Variants in MTNAP1 observed in about 807,000 individuals in gnomAD.
The protein encoded by MTNAP1 is mitochondrial nucleoid associated protein 1, also known as mitochondrial nucleoid-associated protein 1.
the MTNAP1 span, among the ~76,000 whole-genome samples, chr17:73,243,588 G>C: frequency 6.6e-6 from 1 of 150,486 alleles, no homozygotes; most frequent in Admixed American, 6.6e-5. Flanking sequence ...GAGTGCAGTG[G>C]CATGATCTCA....
At chr17:73,246,947 C>G in the MTNAP1 span, among the ~76,000 whole-genome samples, 1 of 152,164 alleles carries the variant, frequency 6.6e-6, no homozygotes, top group African/African-American at 2.4e-5. Context: ...TGTCCTTACT[C>G]AAGACCAGAA....
the MTNAP1 span, chr17:73,235,473 C>T: frequency 6.3e-7 from 1 of 1,586,578 alleles, no homozygotes; most frequent in Admixed American, 1.8e-5. Flanking sequence ...TTACCTTTTT[C>T]AGGAATAGGA....
chr17:73,247,450 G>A, the MTNAP1 span: 1 of 1,098,148 alleles, frequency 9.1e-7, no homozygotes, highest in African/African-American at 1.6e-5. Flanking sequence ...GTAGCATTAA[G>A]GGATAGCTTT....
the MTNAP1 span, among the ~76,000 whole-genome samples, chr17:73,235,028 T>A: frequency 6.6e-6 from 1 of 151,696 alleles, no homozygotes; most frequent in African/African-American, 2.4e-5. Flanking sequence ...CCAGTCTGGG[T>A]AACACGGACA....
the MTNAP1 span, among the ~76,000 whole-genome samples, chr17:73,241,878 A>G: frequency 0.51 from 77,744 of 151,974 alleles, 19,995 homozygotes; most frequent in East Asian, 0.62. Context: ...GCAGTGAGCC[A>G]AGATCATGCC....
At chr17:73,248,012 CGTT>C in the MTNAP1 span, 1 of 155,576 alleles carries the variant, frequency 6.4e-6, no homozygotes, top group Non-Finnish European at 1.4e-5. Flanking sequence ...AGTTTAAGAG[CGTT>C]GTTGAGGTAA....
At chr17:73,244,317 C>T in the MTNAP1 span, among the ~76,000 whole-genome samples, 2 of 152,212 alleles carry the variant, frequency 1.3e-5, no homozygotes, top group Admixed American at 6.5e-5. Context: ...AATCCCAGCA[C>T]TTTGGGAGGC....
chr17:73,239,685 A>AT, the MTNAP1 span, among the ~76,000 whole-genome samples: 1,749 of 145,526 alleles, frequency 0.012, 37 homozygotes, highest in African/African-American at 0.036. Context: ...CGCCCAGCTA[A>AT]TTTTTTTTTT....
At chr17:73,240,649 G>T in the MTNAP1 span, among the ~76,000 whole-genome samples, 28 of 152,354 alleles carry the variant, frequency 1.8e-4, no homozygotes, top group East Asian at 5.0e-3. Flanking sequence ...TAGGTCATTT[G>T]CCCTTCTCAG....
the MTNAP1 span, chr17:73,243,077 A>AGTTTTTTTTTTGTTTTTTTTTTG: frequency 3.3e-6 from 1 of 306,200 alleles, no homozygotes; most frequent in African/African-American, 3.0e-5. Flanking sequence ...GATTCTCTGA[A>AGTTTTTTTTTTGTTTTTTTTTTG]TTTTTTTTTT....
the MTNAP1 span, among the ~76,000 whole-genome samples, chr17:73,246,165 C>T: frequency 6.6e-6 from 1 of 152,234 alleles, no homozygotes; most frequent in Non-Finnish European, 1.5e-5. Flanking sequence ...ACACACCCGT[C>T]TGTCTCAGCT....
the MTNAP1 span, among the ~76,000 whole-genome samples, chr17:73,234,773 C>CTGTGTCTGTGTGTGTGTG: frequency 6.9e-6 from 1 of 145,960 alleles, no homozygotes; most frequent in East Asian, 2.0e-4. Flanking sequence ...TTATGTATAT[C>CTGTGTCTGTGTGTGTGTG]TGTGTGTGTG....
chr17:73,242,391 C>T, the MTNAP1 span: 1 of 1,362,324 alleles, frequency 7.3e-7, no homozygotes, highest in Non-Finnish European at 1.0e-6. Context: ...GTTGCAGGTT[C>T]TGGGCATTTG....
chr17:73,242,273 A>G, the MTNAP1 span: 7 of 1,603,554 alleles, frequency 4.4e-6, no homozygotes, highest in South Asian at 1.1e-5. Flanking sequence ...CTCAACTCAT[A>G]TAAGGAGTTT....
chr17:73,245,234 G>A, the MTNAP1 span: 61 of 1,611,146 alleles, frequency 3.8e-5, no homozygotes, highest in South Asian at 5.5e-5. Context: ...AGCAAAGGGC[G>A]TACAGTGGAG....
the MTNAP1 span, chr17:73,233,366 A>G: frequency 6.6e-6 from 1 of 152,212 alleles, no homozygotes; most frequent in African/African-American, 2.4e-5. Context: ...TATCGTGGGA[A>G]TGTACCGGGA....
At chr17:73,242,111 T>C in the MTNAP1 span, 1 of 535,786 alleles carries the variant, frequency 1.9e-6, no homozygotes. Context: ...TGCAGTCCAA[T>C]GCAGAAATCT....
chr17:73,239,390 G>A, the MTNAP1 span, among the ~76,000 whole-genome samples: 1 of 152,160 alleles, frequency 6.6e-6, no homozygotes, highest in Non-Finnish European at 1.5e-5. Flanking sequence ...TGAGGGACCT[G>A]ACGTTTATCT....
the MTNAP1 span, chr17:73,235,816 A>T: frequency 6.2e-7 from 1 of 1,614,204 alleles, no homozygotes; most frequent in Non-Finnish European, 8.5e-7. Context: ...AGATAAAGAC[A>T]TCAAGAATCC....
Sources: gnomAD v4.1 joint callset for allele counts (sites outside exome capture counted in the v4.1 genomes callset) on GRCh38, gnomAD v4.1.1 for gene constraint, MANE v1.5 for transcripts, NCBI Gene and HGNC (gene_info 2026-07-23, HGNC 2026-07-21) for gene names.